Variants in MYRIP observed in about 807,000 individuals in gnomAD.
MYRIP encodes the protein myosin VIIA and Rab interacting protein.
In MYRIP, 49 loss-of-function variants were observed where a neutral mutation model predicts 98.0. The observed-to-expected ratio is 0.50, with a 90% confidence interval of 0.40 to 0.63. The LOEUF (loss-of-function observed/expected upper bound fraction) is 0.63. MYRIP is among the 30% of genes least tolerant of loss of function. MYRIP has a pLI of 0.00. For missense variants in MYRIP, 1,004 were observed against 1,058.2 expected (o/e 0.95, Z 0.71); for synonymous variants, 404 against 409.5 (o/e 0.99, Z 0.16).
At chr3:40,241,404 T>C (rs1953010897) in intron 12 of MYRIP, among the ~76,000 whole-genome samples, 1 of 152,184 alleles carries the variant, frequency 6.6e-6, no homozygotes, top group South Asian at 2.1e-4. Context: ...GAGACAACCA[T>C]GGTTACTCAG....
At chr3:40,180,719 G>T (rs917991149) in intron 8 of MYRIP, among the ~76,000 whole-genome samples, 1 of 152,218 alleles carries the variant, frequency 6.6e-6, no homozygotes, top group African/African-American at 2.4e-5. Context: ...GGAGCAGGTT[G>T]TAACACTTGG....
Position 40,082,841 on chromosome 3 carries a change from A to G in MYRIP, c.332+38570A>G, listed in dbSNP as rs56019872. Among the ~76,000 whole-genome samples, 360 of 152,320 alleles carry G rather than the reference A, an allele frequency of 2.4e-3. 4 individuals carry two copies. The highest frequency in any genetic ancestry group is 8.3e-3 in the African/African-American group (346 of 41,568). On this transcript the variant is annotated intron_variant, in intron 3 of 16. Transcript: ENST00000302541. ...AGGCAACTGCATTTCTTTTGCAGAT[A>G]AATTTCGGGAAATGGTCCCATAACT... is the stretch of plus-strand genomic sequence containing the variant.
intron 8 of MYRIP, among the ~76,000 whole-genome samples, chr3:40,171,808 T>C (rs11129866): frequency 0.24 from 37,188 of 152,224 alleles, 5,062 homozygotes; most frequent in South Asian, 0.41. Flanking sequence ...GGTGCTTGTA[T>C]TGGTTTGTTC....
At chr3:39,920,640 T>C (rs1166608049) in intron 2 of MYRIP, among the ~76,000 whole-genome samples, 2 of 152,206 alleles carry the variant, frequency 1.3e-5, no homozygotes, top group Non-Finnish European at 2.9e-5. Context: ...AGAGAATGGA[T>C]CAGTGGGCAA....
chr3:40,226,250 A>C (rs1421515516), intron 11 of MYRIP, among the ~76,000 whole-genome samples: 1 of 152,214 alleles, frequency 6.6e-6, no homozygotes. Flanking sequence ...TTATTTCAAT[A>C]ACCTAGTGAA....
intron 2 of MYRIP, among the ~76,000 whole-genome samples, chr3:40,002,660 C>T (rs886472356): frequency 6.6e-6 from 1 of 152,070 alleles, no homozygotes; most frequent in African/African-American, 2.4e-5. Context: ...GAGCTGAGAT[C>T]AGATGAGCAG....
At chr3:39,998,820 C>G (rs1339918136) in intron 2 of MYRIP, among the ~76,000 whole-genome samples, 2 of 152,220 alleles carry the variant, frequency 1.3e-5, no homozygotes, top group Admixed American at 6.5e-5. Context: ...GTACTGGTAC[C>G]AAAACAGAGA....
At chr3:39,986,653 G>T (rs1345139370) in intron 2 of MYRIP, among the ~76,000 whole-genome samples, 10 of 152,182 alleles carry the variant, frequency 6.6e-5, no homozygotes. Flanking sequence ...ATGGCTCTGA[G>T]TGTTGATCCC....
chr3:40,191,820 T>A (rs1423672676), intron 10 of MYRIP, among the ~76,000 whole-genome samples: 1 of 152,210 alleles, frequency 6.6e-6, no homozygotes, highest in African/African-American at 2.4e-5. Context: ...AAGTGGAGAC[T>A]GTTGTCCAGA....
At chr3:40,063,361 T>A (rs1460489046) in intron 3 of MYRIP, among the ~76,000 whole-genome samples, 5 of 152,228 alleles carry the variant, frequency 3.3e-5, no homozygotes, top group African/African-American at 4.8e-5. Context: ...TCATTTTCCA[T>A]GTTTATGTAA....
At chr3:39,834,067 T>C (rs1941550528) in intron 1 of MYRIP, among the ~76,000 whole-genome samples, 1 of 152,166 alleles carries the variant, frequency 6.6e-6, no homozygotes, top group Non-Finnish European at 1.5e-5. Flanking sequence ...TGTTGTTCTT[T>C]TCTATCCAGT....
intron 4 of MYRIP, among the ~76,000 whole-genome samples, chr3:40,158,399 G>A (rs562700259): frequency 1.6e-4 from 25 of 152,262 alleles, no homozygotes; most frequent in African/African-American, 5.8e-4. Context: ...ATTTGCTGAG[G>A]AGAGCTTTAC....
In MYRIP at chr3:40,167,149, C is replaced by G; in HGVS notation, c.649-10C>G. ...ACCCACAGCACACAGCCATTCTCTT[C>G]CCTCCTCAGGACAAGCAAAATGAGG... On this transcript the variant is annotated splice_polypyrimidine_tract_variant and intron_variant, in intron 6 of 16. Coordinates refer to ENST00000302541, the MANE Select transcript of MYRIP (RefSeq NM_015460.4). 1 of 1,613,934 alleles carries G rather than the reference C, an allele frequency of 6.2e-7. No homozygotes were observed. Among genetic ancestry groups the G allele is most frequent in the Non-Finnish European group, 8.5e-7 (1 of 1,179,822 alleles).
At chr3:40,139,066 T>C (rs2125559076) in intron 3 of MYRIP, among the ~76,000 whole-genome samples, 1 of 152,346 alleles carries the variant, frequency 6.6e-6, no homozygotes, top group Admixed American at 6.5e-5. Flanking sequence ...AGTGAGAACA[T>C]GCTGTGTTTA....
At chr3:40,192,774 C>T (rs1416807214) in intron 10 of MYRIP, among the ~76,000 whole-genome samples, 1 of 152,126 alleles carries the variant, frequency 6.6e-6, no homozygotes, top group Non-Finnish European at 1.5e-5. Context: ...GGGATAGCTC[C>T]TCAAAGCAGC....
intron 3 of MYRIP, among the ~76,000 whole-genome samples, chr3:40,097,391 A>G (rs1208547681): frequency 1.3e-5 from 2 of 152,188 alleles, no homozygotes; most frequent in Non-Finnish European, 2.9e-5. Flanking sequence ...AAAAGAGTTC[A>G]CAAATCTGTG....
In MYRIP at chr3:39,871,501, A is replaced by C. The variant is rs374259603; in HGVS notation, c.-30-29286A>C. ...GTTAGGAACATAAATTCAGGAGCCAAACGTCTTCAACTTGTAGCCGTTTAC... is the reference window on the plus strand; with the variant it reads ...GTTAGGAACATAAATTCAGGAGCCACACGTCTTCAACTTGTAGCCGTTTAC... On this transcript the variant is annotated intron_variant, in intron 1 of 16. Transcript: ENST00000302541. Among the ~76,000 whole-genome samples the C allele has an allele frequency of 8.5e-5, 13 of 152,196 alleles. No individual in the cohort carries two copies. In the East Asian group the frequency reaches 1.7e-3, roughly 20 times the overall value.
At chr3:40,067,065 A>G (rs1297282917) in intron 3 of MYRIP, among the ~76,000 whole-genome samples, 2 of 152,242 alleles carry the variant, frequency 1.3e-5, no homozygotes, top group African/African-American at 2.4e-5. Context: ...ACTGTTATTC[A>G]TAAACCTATA....
chr3:40,035,288 C>A (rs1011668134), intron 2 of MYRIP, among the ~76,000 whole-genome samples: 4 of 151,242 alleles, frequency 2.6e-5, no homozygotes, highest in Non-Finnish European at 5.9e-5. Flanking sequence ...AAGCCTCCAC[C>A]ACAACAAGGT....
Sources: gnomAD v4.1 joint callset for allele counts (sites outside exome capture counted in the v4.1 genomes callset) on GRCh38, gnomAD v4.1.1 for gene constraint, MANE v1.5 for transcripts, NCBI Gene and HGNC (gene_info 2026-07-23, HGNC 2026-07-21) for gene names.